DTNA: variants seen among roughly 807,000 people sequenced by gnomAD.
The protein encoded by DTNA is dystrobrevin alpha, also known as dystrophin-related protein 3.
Under a neutral mutation model 100.7 loss-of-function variants are expected in DTNA, and 43 were observed. The ratio of observed to expected loss-of-function variants is 0.43; its 90% CI spans 0.33 to 0.55. The LOEUF is 0.55. Among genes scored for constraint, DTNA ranks in the 20% least tolerant of loss-of-function variants. The probability of loss-of-function intolerance (pLI) is 0.04; values close to 1 mark genes in which losing one functional copy is unlikely to be tolerated. For synonymous variants in DTNA, 349 were observed against 347.9 expected (o/e 1.00, Z -0.04); for missense variants, 798 against 953.9 (o/e 0.84, Z 2.15).
chr18:34,812,543 C>A (rs1422400680), intron 6 of DTNA, among the ~76,000 whole-genome samples: 2 of 152,120 alleles, frequency 1.3e-5, no homozygotes, highest in African/African-American at 4.8e-5. Context: ...CACATGGCGA[C>A]AGGAAAGAGA....
At chr18:34,853,686 T>C (rs2096514650) in intron 15 of DTNA, among the ~76,000 whole-genome samples, 1 of 152,042 alleles carries the variant, frequency 6.6e-6, no homozygotes, top group Admixed American at 6.6e-5. Flanking sequence ...AAAAAAAAGT[T>C]TGTCACATGT....
At chr18:34,715,716 G>T (rs2083906123) in intron 1 of DTNA, among the ~76,000 whole-genome samples, 1 of 151,792 alleles carries the variant, frequency 6.6e-6, no homozygotes, top group African/African-American at 2.4e-5. Flanking sequence ...TAAAGGAATG[G>T]TAATATGAAA....
chr18:34,807,774 A>T (rs1402735135), intron 5 of DTNA, among the ~76,000 whole-genome samples: 1 of 151,870 alleles, frequency 6.6e-6, no homozygotes, highest in Admixed American at 6.6e-5. Flanking sequence ...AGATATAGAA[A>T]ATTAAAAACT....
chr18:34,729,061 AG>A (rs1050029885), intron 1 of DTNA, among the ~76,000 whole-genome samples: 22 of 152,292 alleles, frequency 1.4e-4, no homozygotes, highest in African/African-American at 5.3e-4. Flanking sequence ...AGAAGTCACA[AG>A]AAAAAAAAGA....
intron 4 of DTNA, among the ~76,000 whole-genome samples, chr18:34,803,211 T>C (rs1211048937): frequency 1.3e-5 from 2 of 152,158 alleles, no homozygotes; most frequent in African/African-American, 4.8e-5. Context: ...TGCATAACAA[T>C]AGATTCCAGT....
At chr18:34,603,464 T>C (rs1055478381) in intron 1 of DTNA, among the ~76,000 whole-genome samples, 10 of 152,184 alleles carry the variant, frequency 6.6e-5, no homozygotes, top group African/African-American at 2.4e-4. Context: ...ATCTTTACCA[T>C]TTTTAAGTGT....
At position 34,854,143 on chromosome 18, in the gene DTNA, G is replaced by A. The variant is rs1461035290; in HGVS notation, c.1532+2215G>A. Among the ~76,000 whole-genome samples the A allele has an allele frequency of 3.3e-5, 5 of 152,288 alleles. No homozygotes were observed. In the Middle Eastern group the frequency reaches 0.01, roughly 311 times the overall value. On this transcript the variant is annotated intron_variant, in intron 15 of 22. Coordinates refer to ENST00000444659, the MANE Select transcript of DTNA (RefSeq NM_001386795.1). ...GAGTATTGATGACACTGATGACAAT[G>A]GGGAGTAGGAGAATGGAGGGGCCGT...
intron 1 of DTNA, among the ~76,000 whole-genome samples, chr18:34,582,735 A>AATGTTG (rs1472121884): frequency 6.6e-6 from 1 of 152,182 alleles, no homozygotes; most frequent in East Asian, 1.9e-4. Flanking sequence ...AGGTAGCTTC[A>AATGTTG]ATGTTGATGG....
upstream of DTNA, chr18:34,709,410 T>C (rs1568276513): frequency 6.6e-6 from 1 of 152,208 alleles, no homozygotes; most frequent in African/African-American, 2.4e-5. Flanking sequence ...GGCTGATTAA[T>C]GTACCATGGT....
intron 14 of DTNA, among the ~76,000 whole-genome samples, chr18:34,849,786 G>A (rs1047952696): frequency 6.6e-6 from 1 of 152,252 alleles, no homozygotes; most frequent in African/African-American, 2.4e-5. Flanking sequence ...GGCAGCTGGA[G>A]TGGAGGCATT....
At chr18:34,513,278 A>T (rs543985652) in intron 1 of DTNA, among the ~76,000 whole-genome samples, 2 of 152,150 alleles carry the variant, frequency 1.3e-5, no homozygotes, top group African/African-American at 4.8e-5. Flanking sequence ...TTAATTAACA[A>T]CACCTATATG....
At chr18:34,570,199 G>T (rs1160367851) in intron 1 of DTNA, among the ~76,000 whole-genome samples, 1 of 152,128 alleles carries the variant, frequency 6.6e-6, no homozygotes, top group African/African-American at 2.4e-5. Flanking sequence ...AAGCCACTGA[G>T]TATAGTCATT....
At chr18:34,740,731 G>A (rs987546635) in intron 1 of DTNA, among the ~76,000 whole-genome samples, 6 of 152,042 alleles carry the variant, frequency 3.9e-5, no homozygotes, top group African/African-American at 9.7e-5. Flanking sequence ...AGGAGGTCAA[G>A]GCTGCAATGA....
intron 20 of DTNA, 40 bp from the exon 21 acceptor site, chr18:34,882,029 T>C: frequency 6.2e-7 from 1 of 1,613,912 alleles, no homozygotes; most frequent in South Asian, 1.1e-5. Context: ...AATTCTCTTT[T>C]AAGATTTGCT....
At chr18:34,819,544 C>G (rs1209830065) in intron 8 of DTNA, among the ~76,000 whole-genome samples, 2 of 152,186 alleles carry the variant, frequency 1.3e-5, no homozygotes, top group Non-Finnish European at 2.9e-5. Context: ...CAAACTTCTA[C>G]CCCATATCCT....
At chr18:34,711,733 G>C in intron 1 of DTNA, among the ~76,000 whole-genome samples, 1 of 151,980 alleles carries the variant, frequency 6.6e-6, no homozygotes, top group East Asian at 1.9e-4. Context: ...CTATTTCCTT[G>C]ATCTCTCTAG....
At chr18:34,524,484 C>G (rs2042425534) in intron 1 of DTNA, among the ~76,000 whole-genome samples, 1 of 152,066 alleles carries the variant, frequency 6.6e-6, no homozygotes. Context: ...GAAGTCAGCT[C>G]ACTTAAAGAA....
chr18:34,739,521 A>C (rs2090240048), intron 1 of DTNA, among the ~76,000 whole-genome samples: 1 of 152,200 alleles, frequency 6.6e-6, no homozygotes, highest in African/African-American at 2.4e-5. Context: ...TGCTTCCTTG[A>C]AAGGACTTCT....
intron 1 of DTNA, among the ~76,000 whole-genome samples, chr18:34,648,248 G>A (rs1358435907): frequency 6.6e-6 from 1 of 152,182 alleles, no homozygotes; most frequent in Non-Finnish European, 1.5e-5. Flanking sequence ...GGTTTATAAC[G>A]TATGTCTAGC....
Sources: allele counts gnomAD v4.1 joint callset (sites outside exome capture counted in the v4.1 genomes callset), GRCh38; gene constraint gnomAD v4.1.1; transcripts MANE v1.5; gene names NCBI Gene and HGNC (gene_info 2026-07-23, HGNC 2026-07-21).